The following ARL15 variants were observed in gnomAD, a reference collection of about 807,000 sequenced individuals.
ARL15 encodes ARF like GTPase 15, also known as ADP-ribosylation factor-like protein 15.
ARL15 carries 19 observed loss-of-function variants against 25.2 expected under a neutral mutation model. The observed-to-expected ratio is 0.75, with a 90% CI of 0.53 to 1.10. ARL15 has a LOEUF of 1.10. ARL15 is among the 50% of genes least tolerant of loss of function. ARL15 has a pLI of 0.00. For synonymous variants in ARL15, 94 were observed against 86.8 expected (o/e 1.08, Z -0.46); for missense variants, 220 against 246.0 (o/e 0.89, Z 0.71).
intron 4 of ARL15, among the ~76,000 whole-genome samples, chr5:54,109,916 C>A (rs991719144): frequency 2.0e-5 from 3 of 151,810 alleles, no homozygotes; most frequent in African/African-American, 7.2e-5. Flanking sequence ...GTTCTTTTTC[C>A]TAGAGTTTTG....
intron 2 of ARL15, among the ~76,000 whole-genome samples, chr5:54,156,468 T>C (rs550424668): frequency 6.6e-6 from 1 of 152,356 alleles, no homozygotes; most frequent in South Asian, 2.1e-4. Context: ...TGGCATTATG[T>C]TTCCATTGAT....
intron 3 of ARL15, among the ~76,000 whole-genome samples, chr5:54,119,332 A>C (rs920564543): frequency 6.6e-6 from 1 of 152,152 alleles, no homozygotes; most frequent in African/African-American, 2.4e-5. Flanking sequence ...TTCTCTCACC[A>C]TGTGATACCT....
intron 1 of ARL15, among the ~76,000 whole-genome samples, chr5:54,265,636 A>T (rs1472167633): frequency 1.3e-5 from 1 of 76,244 alleles, no homozygotes; most frequent in African/African-American, 4.7e-5. Flanking sequence ...AAATTTATAT[A>T]AAAAATGTTA....
intron 1 of ARL15, among the ~76,000 whole-genome samples, chr5:54,283,566 T>C (rs1468343912): frequency 2.2e-5 from 1 of 46,200 alleles, no homozygotes; most frequent in Admixed American, 3.0e-4. Context: ...TGAAATACAC[T>C]ACTGAAAACA....
intron 4 of ARL15, among the ~76,000 whole-genome samples, chr5:53,958,415 T>C (rs1419172839): frequency 1.3e-5 from 2 of 152,126 alleles, no homozygotes; most frequent in East Asian, 3.9e-4. Context: ...ACTAGGAAAA[T>C]GTCTTTAAAA....
intron 4 of ARL15, among the ~76,000 whole-genome samples, chr5:54,090,392 G>C (rs1277898465): frequency 1.3e-5 from 2 of 151,260 alleles, no homozygotes; most frequent in East Asian, 3.9e-4. Flanking sequence ...ATATTATTTG[G>C]AGATGTATAT....
chr5:53,895,910 C>G (rs913319367), intron 4 of ARL15, among the ~76,000 whole-genome samples: 1 of 152,188 alleles, frequency 6.6e-6, no homozygotes, highest in Non-Finnish European at 1.5e-5. Flanking sequence ...AATTAAATGA[C>G]TCTCAAGTTC....
At chr5:54,116,974 A>G (rs998318433) in intron 3 of ARL15, among the ~76,000 whole-genome samples, 1 of 152,238 alleles carries the variant, frequency 6.6e-6, no homozygotes, top group African/African-American at 2.4e-5. Context: ...ACATACATTA[A>G]TGGAAATATG....
chr5:53,937,437 G>C (rs1746388296), intron 4 of ARL15, among the ~76,000 whole-genome samples: 1 of 152,122 alleles, frequency 6.6e-6, no homozygotes, highest in East Asian at 1.9e-4. Flanking sequence ...TGAGAAAAAA[G>C]CCCTATGTGG....
At chr5:53,980,610 C>T (rs1480202485) in intron 4 of ARL15, among the ~76,000 whole-genome samples, 1 of 152,186 alleles carries the variant, frequency 6.6e-6, no homozygotes, top group Non-Finnish European at 1.5e-5. Flanking sequence ...TCCATTTGTT[C>T]ACTTTAATTT....
At chr5:54,125,611 G>T (rs565139085) in intron 3 of ARL15, among the ~76,000 whole-genome samples, 1 of 152,146 alleles carries the variant, frequency 6.6e-6, no homozygotes, top group Non-Finnish European at 1.5e-5. Flanking sequence ...TGGTTATTGC[G>T]AATAGAGTGG....
rs181012380 is a variant in ARL15, at chr5:54,145,352, A to G, written c.253+9228T>C. ...TCTTTCAACAATACTTTGGACCGCAAGAAATTAAATGCAACAAATTTTTGA... is the reference window on the plus strand; with the variant it reads ...TCTTTCAACAATACTTTGGACCGCAGGAAATTAAATGCAACAAATTTTTGA... On this transcript the variant is annotated intron_variant, in intron 3 of 4. Transcript: ENST00000504924. Among the ~76,000 whole-genome samples the G allele has an allele frequency of 3.9e-4, 59 of 152,352 alleles. No homozygotes were observed. The East Asian group carries it at 0.011, about 29-fold the overall frequency.
chr5:53,994,437 A>C (rs1748603684), intron 4 of ARL15, among the ~76,000 whole-genome samples: 1 of 152,214 alleles, frequency 6.6e-6, no homozygotes, highest in Non-Finnish European at 1.5e-5. Context: ...CAGTTACATA[A>C]TTACATGAGA....
At chr5:53,997,927 T>C (rs1580154796) in intron 4 of ARL15, among the ~76,000 whole-genome samples, 1 of 152,264 alleles carries the variant, frequency 6.6e-6, no homozygotes, top group East Asian at 1.9e-4. Flanking sequence ...AAAGGGTCTT[T>C]AAAATGCCTA....
At chr5:54,136,345 G>T (rs1235823465) in intron 3 of ARL15, among the ~76,000 whole-genome samples, 1 of 152,150 alleles carries the variant, frequency 6.6e-6, no homozygotes, top group Non-Finnish European at 1.5e-5. Context: ...ATTATAAGGA[G>T]AATTCAAAAG....
chr5:54,084,793 C>T (rs985471192), intron 4 of ARL15, among the ~76,000 whole-genome samples: 5 of 151,936 alleles, frequency 3.3e-5, no homozygotes, highest in African/African-American at 9.7e-5. Context: ...CATGTTCTGG[C>T]GAAAAAAACT....
At chr5:54,217,892 C>T (rs1756256603) in intron 1 of ARL15, among the ~76,000 whole-genome samples, 1 of 152,036 alleles carries the variant, frequency 6.6e-6, no homozygotes, top group Non-Finnish European at 1.5e-5. Flanking sequence ...CCAGTAATGG[C>T]TTTCTTTCAG....
chr5:53,929,026 C>T (rs894389666), intron 4 of ARL15, among the ~76,000 whole-genome samples: 1 of 151,978 alleles, frequency 6.6e-6, no homozygotes, highest in Non-Finnish European at 1.5e-5. Flanking sequence ...TTGTTCTTTT[C>T]TTCTAAAACA....
intron 4 of ARL15, among the ~76,000 whole-genome samples, chr5:54,043,202 C>T (rs1193963915): frequency 1.2e-5 from 1 of 81,340 alleles, no homozygotes; most frequent in Admixed American, 1.6e-4. Flanking sequence ...TCTACACATG[C>T]CTCTTTTTTT....
Sources: allele counts gnomAD v4.1 joint callset (sites outside exome capture counted in the v4.1 genomes callset), GRCh38; gene constraint gnomAD v4.1.1; transcripts MANE v1.5; gene names NCBI Gene and HGNC (gene_info 2026-07-23, HGNC 2026-07-21).